ST8SIA5: variants seen among roughly 807,000 people sequenced by gnomAD.
ST8SIA5 encodes the protein alpha-2,8-sialyltransferase 8E.
ST8SIA5 carries 24 observed loss-of-function variants against 40.2 expected under a neutral mutation model. That is an observed-to-expected ratio of 0.60 (90% CI 0.43 to 0.84). ST8SIA5 has a LOEUF of 0.84. ST8SIA5 is among the 40% of genes least tolerant of loss of function. The probability of loss-of-function intolerance (pLI) is 0.00; values close to 1 mark genes in which losing one functional copy is unlikely to be tolerated. For missense variants in ST8SIA5, 465 were observed against 498.5 expected, an observed-to-expected ratio of 0.93 and a Z score of 0.64; for synonymous variants, 198 against 201.8, an observed-to-expected ratio of 0.98 and a Z score of 0.16.
In ST8SIA5 at chr18:46,742,963, C is replaced by T. The variant is rs139270086; in HGVS notation, c.131+13415G>A. 1.2e-4 allele frequency among the ~76,000 whole-genome samples: 18 copies of T among 152,324 alleles called. No individual in the cohort carries two copies. The East Asian group carries it at 3.3e-3, about 28-fold the overall frequency. ...TGGACCTCCAGGAAACTCCAATAGA[C>T]CTGCAGGTGAGGGACCTGTTAGAAG... On this transcript the variant is annotated intron_variant, in intron 1 of 6. Transcript: ENST00000315087.
rs146034581 is a variant in ST8SIA5 at position 46,711,515 on chromosome 18, T to C, written c.132-6851A>G. Among the ~76,000 whole-genome samples, 1,110 of 152,240 alleles carry C rather than the reference T, an allele frequency of 7.3e-3. 17 individuals carry two copies. Among genetic ancestry groups the C allele is most frequent in the African/African-American group, 0.026 (1,080 of 41,516 alleles). On this transcript the variant is annotated intron_variant, in intron 1 of 6. Coordinates refer to ENST00000315087, the MANE Select transcript of ST8SIA5 (RefSeq NM_013305.6). ...CTCTCCCTGACTCTGACAGCCATCG[T>C]TCTCTGGGGGGTTTTCTCAGTCAGC...
At position 46,704,683 on chromosome 18, in the gene ST8SIA5, AG is replaced by A. The variant is rs780127148; in HGVS notation, c.132-20del. On this transcript the variant is annotated intron_variant, in intron 1 of 6. Transcript: ENST00000315087. Reference sequence around the variant, plus strand: ...AAAGTACCTGGGGACCAACAGAGACAGGTTAAACAGAGAAGCAGGTCAGGAT... The same window carrying A: ...AAAGTACCTGGGGACCAACAGAGACAGTTAAACAGAGAAGCAGGTCAGGAT... 1 of 1,606,030 alleles carries A rather than the reference AG, an allele frequency of 6.2e-7. No individual in the cohort carries two copies.
At position 46,693,216 on chromosome 18, in the gene ST8SIA5, C is replaced by A. The variant is rs541549480; in HGVS notation, c.225-961G>T. 5.6e-4 allele frequency among the ~76,000 whole-genome samples: 85 copies of A among 152,260 alleles called. 1 individual carries two copies. The highest frequency in any genetic ancestry group is 8.8e-5 in the Non-Finnish European group (6 of 68,010). ...ACTTTGAAACCTTCTCCCTCACGTG[C>A]CCACCCCCCAGGGCCTGCATAGTTC... On this transcript the variant is annotated intron_variant, in intron 2 of 6. Transcript: ENST00000315087.
Position 46,680,511 on chromosome 18 carries a change from C to G in ST8SIA5, c.663-1G>C. 1 of 1,580,752 alleles carries G rather than the reference C, an allele frequency of 6.3e-7. No individual in the cohort carries two copies. The highest frequency in any genetic ancestry group is 8.6e-7 in the Non-Finnish European group (1 of 1,160,676). On this transcript the variant is annotated splice_acceptor_variant, in intron 6 of 6. Coordinates refer to ENST00000315087, the MANE Select transcript of ST8SIA5 (RefSeq NM_013305.6). LOFTEE classifies it high-confidence loss of function. ...CCGCCACTTCTCCAGCTTGTGGAAC[C>G]TACACAGGGCGCGAGTGAGAGGTGA...
intron 1 of ST8SIA5, among the ~76,000 whole-genome samples, chr18:46,727,913 A>G (rs928290627): frequency 2.0e-5 from 3 of 152,222 alleles, no homozygotes; most frequent in African/African-American, 2.4e-5. Flanking sequence ...TATATAAAAC[A>G]AACCATGCAT....
In ST8SIA5 at chr18:46,679,038, G is replaced by C. The variant is rs2039358594; in HGVS notation, c.*1004C>G. 1 of 152,228 alleles carries C rather than the reference G, an allele frequency of 6.6e-6. No homozygotes were observed. The highest frequency in any genetic ancestry group is 1.5e-5 in the Non-Finnish European group (1 of 68,074). The allele number at this position is 152,228 out of a possible 1,614,324, so 9.4% of individuals were successfully genotyped here. On this transcript the variant is annotated 3_prime_UTR_variant, in exon 7 of 7. Coordinates refer to ENST00000315087, the MANE Select transcript of ST8SIA5 (RefSeq NM_013305.6). Reference sequence around the variant, plus strand: ...TTTCTCTCTGCTAAGCTCACCACCTGACATGTCAGTGCTTTCCAGCCCAGA... The same window carrying C: ...TTTCTCTCTGCTAAGCTCACCACCTCACATGTCAGTGCTTTCCAGCCCAGA...
chr18:46,680,314 G>A lies in ST8SIA5; in HGVS notation c.859C>T (p.Arg287Cys), dbSNP rs1275511993. ...FHPQYLVNVS[R>C]YWLSLGVRAK... Reference sequence around the variant, plus strand: ...CGCACCCCCAGGCTGAGCCAGTAGCGCGACACGTTGACCAGGTACTGCGGA... The same window carrying A: ...CGCACCCCCAGGCTGAGCCAGTAGCACGACACGTTGACCAGGTACTGCGGA... Residue 287 changes from arginine (R) to cysteine (C), a missense_variant, in exon 7 of 7, where the codon CGC (arginine) becomes TGC (cysteine). Coordinates refer to ENST00000315087, the MANE Select transcript of ST8SIA5 (RefSeq NM_013305.6). The A allele has an allele frequency of 4.3e-6, 7 of 1,614,114 alleles. No homozygotes were observed. Among genetic ancestry groups the A allele is most frequent in the African/African-American group, 2.7e-5 (2 of 74,936 alleles).
chr18:46,724,805 G>A (rs1421388002), intron 1 of ST8SIA5, among the ~76,000 whole-genome samples: 1 of 151,880 alleles, frequency 6.6e-6, no homozygotes, highest in Non-Finnish European at 1.5e-5. Flanking sequence ...GAAACCCCAT[G>A]TCTACTAAAT....
rs188805414 is a variant in ST8SIA5, at chr18:46,710,866, A to C, written c.132-6202T>G. The stretch of plus-strand genomic sequence containing the variant: ...GGCTGCTACAAGATGAGGTCCATGC[A>C]TTCAGCTTTCTATCTAACACTTCCC... On this transcript the variant is annotated intron_variant, in intron 1 of 6. Coordinates refer to ENST00000315087, the MANE Select transcript of ST8SIA5 (RefSeq NM_013305.6). Among the ~76,000 whole-genome samples the C allele has an allele frequency of 7.8e-4, 119 of 152,230 alleles. 3 individuals carry two copies. Among genetic ancestry groups the C allele is most frequent in the Admixed American group, 3.7e-3 (57 of 15,300 alleles).
chr18:46,710,338 C>CT (rs1484764524), intron 1 of ST8SIA5, among the ~76,000 whole-genome samples: 4 of 148,080 alleles, frequency 2.7e-5, no homozygotes, highest in African/African-American at 4.9e-5. Flanking sequence ...CTTTCTTTTT[C>CT]TTCCTTTCCT....
intron 1 of ST8SIA5, among the ~76,000 whole-genome samples, chr18:46,727,535 T>C (rs983593716): frequency 6.6e-6 from 1 of 152,202 alleles, no homozygotes; most frequent in African/African-American, 2.4e-5. Flanking sequence ...CCTCCAAATA[T>C]TGTAAGGCAT....
chr18:46,730,226 T>C, intron 1 of ST8SIA5: 1 of 985,310 alleles, frequency 1.0e-6, no homozygotes. Flanking sequence ...TGCTTGCCTC[T>C]AGAGATTCTT....
chr18:46,699,469 T>G (rs1300481238), intron 2 of ST8SIA5, among the ~76,000 whole-genome samples: 1 of 150,336 alleles, frequency 6.7e-6, no homozygotes, highest in Non-Finnish European at 1.5e-5. Context: ...AAGCTCCGCC[T>G]GCTGGGTTCA....
rs2040256694 is a variant in ST8SIA5 at position 46,756,905 on chromosome 18, T to G, written c.-397A>C. The G allele has an allele frequency of 5.0e-6, 1 of 198,020 alleles. No individual in the cohort carries two copies. The highest frequency in any genetic ancestry group is 1.0e-5 in the Non-Finnish European group (1 of 98,628). 12.3% of individuals were successfully genotyped at this position (198,020 alleles called of 1,614,324 possible). ...GGAGCAAGACCCGGGCTCCGTCCCCTGTGCGCCCCAGCGCGCCGCGCATCG... is the reference window on the plus strand; with the variant it reads ...GGAGCAAGACCCGGGCTCCGTCCCCGGTGCGCCCCAGCGCGCCGCGCATCG... On this transcript the variant is annotated 5_prime_UTR_variant, in exon 1 of 7. Coordinates refer to ENST00000315087, the MANE Select transcript of ST8SIA5 (RefSeq NM_013305.6).
chr18:46,715,779 G>T lies in ST8SIA5; in HGVS notation c.132-11115C>A, dbSNP rs2039782707. Among the ~76,000 whole-genome samples the T allele has an allele frequency of 2.0e-5, 3 of 152,040 alleles. No homozygotes were observed. In the South Asian group the frequency reaches 6.2e-4, roughly 32 times the overall value. On this transcript the variant is annotated intron_variant, in intron 1 of 6. Transcript: ENST00000315087. ...TATTTTTATTTTTGGTAGAGACGAG[G>T]TCTTGCTATGTAGACCAAGCTGGTC...
chr18:46,756,534 G>T lies in ST8SIA5; in HGVS notation c.-26C>A, dbSNP rs772727669. The T allele has an allele frequency of 9.9e-6, 16 of 1,610,452 alleles. No individual in the cohort carries two copies. Among genetic ancestry groups the T allele is most frequent in the Middle Eastern group, 1.7e-4 (1 of 6,054 alleles). ...CCTGGCTACCGGGCGCCGCGGGCGCGGGGTACGGGGCGGCCAGGCAATGAC... is the reference window on the plus strand; with the variant it reads ...CCTGGCTACCGGGCGCCGCGGGCGCTGGGTACGGGGCGGCCAGGCAATGAC... On this transcript the variant is annotated 5_prime_UTR_variant, in exon 1 of 7. Transcript: ENST00000315087.
chr18:46,745,597 T>G (rs2040131885), intron 1 of ST8SIA5, among the ~76,000 whole-genome samples: 1 of 152,058 alleles, frequency 6.6e-6, no homozygotes, highest in African/African-American at 2.4e-5. Flanking sequence ...CCAAAAAAAG[T>G]CCAGGACCAA....
At chr18:46,702,965 T>G (rs1410149369) in intron 2 of ST8SIA5, among the ~76,000 whole-genome samples, 1 of 152,104 alleles carries the variant, frequency 6.6e-6, no homozygotes, top group Non-Finnish European at 1.5e-5. Context: ...CCCTTGGAGC[T>G]TTCCAGGAAC....
chr18:46,684,200 C>T (rs1020799945), intron 5 of ST8SIA5, among the ~76,000 whole-genome samples: 7 of 152,096 alleles, frequency 4.6e-5, no homozygotes, highest in Non-Finnish European at 1.0e-4. Flanking sequence ...CCAGCCCCTC[C>T]GAGGGAGACA....
Sources: allele counts gnomAD v4.1 joint callset (sites outside exome capture counted in the v4.1 genomes callset), GRCh38; gene constraint gnomAD v4.1.1; transcripts MANE v1.5; gene names NCBI Gene and HGNC (gene_info 2026-07-23, HGNC 2026-07-21).